Variants in GPC5 observed in about 807,000 individuals in gnomAD.
GPC5 encodes the protein glypican-5.
Under a neutral mutation model 53.9 loss-of-function variants are expected in GPC5, and 47 were observed. The observed-to-expected ratio is 0.87, with a 90% CI of 0.69 to 1.11. GPC5 has a LOEUF of 1.11. Among genes scored for constraint, GPC5 ranks in the 50% most tolerant of loss-of-function variants. The pLI is 0.00. For synonymous variants in GPC5, 286 were observed against 263.3 expected, an observed-to-expected ratio of 1.09 and a Z score of -0.84; for missense variants, 748 against 713.1, an observed-to-expected ratio of 1.05 and a Z score of -0.56.
At chr13:91,938,441 G>T (rs1014656034) in intron 6 of GPC5, among the ~76,000 whole-genome samples, 16 of 152,044 alleles carry the variant, frequency 1.1e-4, no homozygotes, top group African/African-American at 3.6e-4. Context: ...AAACACTTCC[G>T]ACCCGGCCCC....
intron 1 of GPC5, among the ~76,000 whole-genome samples, chr13:91,435,635 GT>G (rs1321680827): frequency 6.6e-6 from 1 of 152,132 alleles, no homozygotes; most frequent in Non-Finnish European, 1.5e-5. Flanking sequence ...AGGGATATTG[GT>G]TCTAAAATTC....
At chr13:91,999,891 G>T (rs2040539283) in intron 6 of GPC5, among the ~76,000 whole-genome samples, 1 of 152,084 alleles carries the variant, frequency 6.6e-6, no homozygotes, top group Non-Finnish European at 1.5e-5. Flanking sequence ...AAATTTTAAG[G>T]AGTTACTTTG....
intron 7 of GPC5, among the ~76,000 whole-genome samples, chr13:92,275,308 G>C (rs1205032932): frequency 6.6e-6 from 1 of 152,034 alleles, no homozygotes; most frequent in Non-Finnish European, 1.5e-5. Flanking sequence ...TGGATCCAGA[G>C]CAATGTGAGC....
At chr13:91,817,199 A>G (rs1221744608) in intron 5 of GPC5, among the ~76,000 whole-genome samples, 3 of 152,152 alleles carry the variant, frequency 2.0e-5, no homozygotes, top group Admixed American at 1.3e-4. Context: ...ATATTGTTCT[A>G]TCTTTCGACA....
chr13:92,315,550 C>G (rs549015597), intron 7 of GPC5, among the ~76,000 whole-genome samples: 10 of 152,118 alleles, frequency 6.6e-5, no homozygotes, highest in Non-Finnish European at 1.0e-4. Context: ...TGTTTGTTCT[C>G]AAGTGTCTTG....
intron 2 of GPC5, among the ~76,000 whole-genome samples, chr13:91,477,160 A>T (rs1882978136): frequency 1.3e-5 from 2 of 151,952 alleles, no homozygotes; most frequent in Admixed American, 1.3e-4. Context: ...TCTGCAGTTT[A>T]TATATATATA....
At chr13:91,595,830 C>A (rs1418032367) in intron 2 of GPC5, among the ~76,000 whole-genome samples, 1 of 152,206 alleles carries the variant, frequency 6.6e-6, no homozygotes, top group African/African-American at 2.4e-5. Context: ...TGTTAGCTGG[C>A]TTGCTGTCCC....
At chr13:92,428,197 C>G (rs1876921547) in intron 7 of GPC5, among the ~76,000 whole-genome samples, 1 of 152,098 alleles carries the variant, frequency 6.6e-6, no homozygotes, top group South Asian at 2.1e-4. Context: ...TGGTCTCTAT[C>G]AGAATGGATG....
intron 7 of GPC5, among the ~76,000 whole-genome samples, chr13:92,176,226 A>T (rs1468844615): frequency 6.6e-6 from 1 of 151,842 alleles, no homozygotes; most frequent in African/African-American, 2.4e-5. Flanking sequence ...TCAGATGATG[A>T]TGGCACTGCT....
At chr13:91,906,998 T>C (rs887902724) in intron 5 of GPC5, among the ~76,000 whole-genome samples, 12 of 149,842 alleles carry the variant, frequency 8.0e-5, no homozygotes, top group African/African-American at 2.4e-4. Context: ...ATTTTATATA[T>C]ATATATATGC....
intron 7 of GPC5, among the ~76,000 whole-genome samples, chr13:92,655,211 T>C (rs1336679029): frequency 6.6e-6 from 1 of 152,234 alleles, no homozygotes; most frequent in African/African-American, 2.4e-5. Context: ...CAAGGAAATA[T>C]ATACAGAATA....
At chr13:92,652,449 T>A (rs1482273401) in intron 7 of GPC5, among the ~76,000 whole-genome samples, 1 of 152,152 alleles carries the variant, frequency 6.6e-6, no homozygotes, top group Non-Finnish European at 1.5e-5. Context: ...TATTTCTACT[T>A]CCTATGTAGA....
chr13:91,628,369 A>C (rs536152998), intron 2 of GPC5, among the ~76,000 whole-genome samples: 4 of 152,228 alleles, frequency 2.6e-5, no homozygotes, highest in South Asian at 2.1e-4. Flanking sequence ...AATTAGTTTC[A>C]AGTGAAGAGC....
At chr13:92,328,712 A>C (rs562857051) in intron 7 of GPC5, among the ~76,000 whole-genome samples, 4 of 152,296 alleles carry the variant, frequency 2.6e-5, no homozygotes, top group Non-Finnish European at 5.9e-5. Context: ...AACGTTAATC[A>C]AAAAGGCTTG....
intron 6 of GPC5, among the ~76,000 whole-genome samples, chr13:92,045,121 A>G (rs995998820): frequency 2.0e-5 from 3 of 152,278 alleles, no homozygotes; most frequent in Non-Finnish European, 2.9e-5. Context: ...CCTCCATAGA[A>G]CTTGTACCCC....
At chr13:92,136,509 A>G (rs970152688) in intron 6 of GPC5, among the ~76,000 whole-genome samples, 1 of 152,200 alleles carries the variant, frequency 6.6e-6, no homozygotes, top group African/African-American at 2.4e-5. Context: ...ATTATAGTAT[A>G]AAAGTGTACA....
rs185267897 is a variant in GPC5, at chr13:92,256,177, T to A, written c.1561+111188T>A. On this transcript the variant is annotated intron_variant, in intron 7 of 7. Transcript: ENST00000377067. ...TATAGATATAATATATAGAGAGATA[T>A]AAATATATAACTATTTTTGTAGTAT... 6.6e-5 allele frequency among the ~76,000 whole-genome samples: 10 copies of A among 151,804 alleles called. No individual in the cohort carries two copies. The East Asian group carries it at 1.7e-3, about 26-fold the overall frequency.
At chr13:91,535,372 G>A (rs941617318) in intron 2 of GPC5, among the ~76,000 whole-genome samples, 2 of 152,124 alleles carry the variant, frequency 1.3e-5, no homozygotes, top group African/African-American at 4.8e-5. Flanking sequence ...GCTATCTTGT[G>A]TTGTATTAGG....
chr13:91,883,063 C>T (rs193282085), intron 5 of GPC5, among the ~76,000 whole-genome samples: 265 of 152,252 alleles, frequency 1.7e-3, no homozygotes, highest in African/African-American at 6.3e-3. Flanking sequence ...TTCTCCTTCT[C>T]TCACATCATT....
Sources: allele counts gnomAD v4.1 joint callset (sites outside exome capture counted in the v4.1 genomes callset), GRCh38; gene constraint gnomAD v4.1.1; transcripts MANE v1.5; gene names NCBI Gene and HGNC (gene_info 2026-07-23, HGNC 2026-07-21).